TMTC2: variants seen among roughly 807,000 people sequenced by gnomAD.
The protein encoded by TMTC2 is transmembrane O-mannosyltransferase targeting cadherins 2.
Under a neutral mutation model 82.4 loss-of-function variants are expected in TMTC2, and 43 were observed. The ratio of observed to expected loss-of-function variants is 0.52; its 90% CI spans 0.41 to 0.67. The LOEUF (loss-of-function observed/expected upper bound fraction) is 0.67. Ranked by LOEUF, TMTC2 falls within the 30% of genes least tolerant of loss-of-function variation. TMTC2 has a pLI of 0.00. For synonymous variants in TMTC2, 408 were observed against 381.9 expected, an observed-to-expected ratio of 1.07 and a Z score of -0.80; for missense variants, 919 against 1,012.4, an observed-to-expected ratio of 0.91 and a Z score of 1.25.
At chr12:82,861,496 T>C (rs1362403781) in intron 2 of TMTC2, among the ~76,000 whole-genome samples, 1 of 152,254 alleles carries the variant, frequency 6.6e-6, no homozygotes, top group African/African-American at 2.4e-5. Flanking sequence ...CATCAGACTT[T>C]TGCAGTTTTG....
chr12:82,713,378 G>C (rs908391008), intron 1 of TMTC2, among the ~76,000 whole-genome samples: 1 of 152,056 alleles, frequency 6.6e-6, no homozygotes, highest in African/African-American at 2.4e-5. Context: ...AAGAGTTTAT[G>C]AATTTGTCAT....
At position 82,895,926 on chromosome 12, in the gene TMTC2, A is replaced by G; in HGVS notation, c.763A>G (p.Asn255Asp). The G allele has an allele frequency of 6.2e-7, 1 of 1,613,906 alleles. No homozygotes were observed. Among genetic ancestry groups the G allele is most frequent in the South Asian group, 1.1e-5 (1 of 91,060 alleles). Residue 255 changes from asparagine (N) to aspartate (D), a missense_variant, in exon 3 of 12, where the codon AAC becomes GAC. Physicochemically the swap from Asn to Asp is conservative, Grantham distance 23. Coordinates refer to ENST00000321196, the MANE Select transcript of TMTC2 (RefSeq NM_152588.3). The stretch of plus-strand genomic sequence containing the variant: ...GGGAAACAAACCACCAAGCTTTTCC[A>G]ACTCGGACAACCCCGCTGCTGATTC... ...WMGNKPPSFS[N>D]SDNPAADSDS...
rs182227907 is a variant in TMTC2, at chr12:82,998,504, A to G, written c.2070+12458A>G. 2.3e-3 allele frequency among the ~76,000 whole-genome samples: 351 copies of G among 152,350 alleles called. 3 individuals are homozygous for G. Among genetic ancestry groups the G allele is most frequent in the African/African-American group, 8.1e-3 (336 of 41,584 alleles). On this transcript the variant is annotated intron_variant, in intron 8 of 11. Coordinates refer to ENST00000321196, the MANE Select transcript of TMTC2 (RefSeq NM_152588.3). Reference sequence around the variant, plus strand: ...CTTACAAAACCAGTCATAAGTTTGAAAGAGGAAATTGACTTTATTAATTTG... The same window carrying G: ...CTTACAAAACCAGTCATAAGTTTGAGAGAGGAAATTGACTTTATTAATTTG...
intron 11 of TMTC2, among the ~76,000 whole-genome samples, chr12:83,102,382 A>G (rs1884250064): frequency 6.6e-6 from 1 of 152,220 alleles, no homozygotes; most frequent in Non-Finnish European, 1.5e-5. Flanking sequence ...AGTCAAAGGA[A>G]GGCAAATTCC....
chr12:82,820,430 G>A (rs757822069), intron 1 of TMTC2, among the ~76,000 whole-genome samples: 6 of 151,908 alleles, frequency 3.9e-5, no homozygotes, highest in Non-Finnish European at 7.4e-5. Context: ...GAGTGCAGTG[G>A]AGTGATCTCG....
chr12:83,116,721 ATTTGTGTATCTTC>A (rs1884774511), intron 11 of TMTC2, among the ~76,000 whole-genome samples: 1 of 151,986 alleles, frequency 6.6e-6, no homozygotes, highest in African/African-American at 2.4e-5. Flanking sequence ...TTTGTTGGCC[ATTTGTGTATCTTC>A]TTTTGAGAAT....
chr12:83,091,367 C>A (rs1032196125), intron 11 of TMTC2, among the ~76,000 whole-genome samples: 1 of 152,138 alleles, frequency 6.6e-6, no homozygotes, highest in African/African-American at 2.4e-5. Flanking sequence ...CAGAAAGTCT[C>A]CTTTTGCATA....
chr12:82,725,021 A>G (rs1343558566), intron 1 of TMTC2, among the ~76,000 whole-genome samples: 1 of 151,760 alleles, frequency 6.6e-6, no homozygotes, highest in African/African-American at 2.4e-5. Flanking sequence ...TTGTCCTATT[A>G]ATTATCCAAA....
chr12:82,798,495 C>CAAA (rs34277536), intron 1 of TMTC2, among the ~76,000 whole-genome samples: 5,094 of 124,394 alleles, frequency 0.041, 157 homozygotes, highest in Middle Eastern at 0.12. Context: ...AGACTCGTCT[C>CAAA]AAAAAAAAAA....
chr12:82,742,605 C>T (rs938997017), intron 1 of TMTC2, among the ~76,000 whole-genome samples: 8 of 151,914 alleles, frequency 5.3e-5, no homozygotes, highest in South Asian at 2.1e-4. Context: ...CCACAACCTC[C>T]GCCTCTCGGG....
intron 3 of TMTC2, among the ~76,000 whole-genome samples, chr12:82,911,165 C>T (rs1443368032): frequency 6.6e-6 from 1 of 152,158 alleles, no homozygotes; most frequent in Non-Finnish European, 1.5e-5. Flanking sequence ...CAGGTGTGAG[C>T]CACTGCGCCC....
chr12:82,822,760 T>C (rs1242971197), intron 1 of TMTC2, among the ~76,000 whole-genome samples: 1 of 152,228 alleles, frequency 6.6e-6, no homozygotes, highest in Admixed American at 6.5e-5. Context: ...GGTGATATTT[T>C]CCTGAAATCA....
intron 1 of TMTC2, among the ~76,000 whole-genome samples, chr12:82,725,795 T>A (rs1874419312): frequency 2.0e-5 from 3 of 152,186 alleles, no homozygotes; most frequent in South Asian, 4.1e-4. Context: ...CATTTTCTAG[T>A]TTACAATGGG....
chr12:83,106,338 A>T (rs939686765), intron 11 of TMTC2, among the ~76,000 whole-genome samples: 4 of 152,050 alleles, frequency 2.6e-5, no homozygotes, highest in Non-Finnish European at 5.9e-5. Flanking sequence ...CATCTTTACT[A>T]AAAATACAAA....
intron 1 of TMTC2, among the ~76,000 whole-genome samples, chr12:82,827,449 A>T (rs949699078): frequency 6.6e-6 from 1 of 152,146 alleles, no homozygotes; most frequent in Non-Finnish European, 1.5e-5. Context: ...CAAGACTTTT[A>T]TTGTTCTTTG....
chr12:82,785,674 A>G (rs1486169533), intron 1 of TMTC2, among the ~76,000 whole-genome samples: 7 of 152,116 alleles, frequency 4.6e-5, no homozygotes. Flanking sequence ...AAATGCCCTC[A>G]ATAAAATAAT....
intron 2 of TMTC2, 36 bp from the exon 3 acceptor site, chr12:82,895,782 T>A (rs776650041): frequency 7.1e-6 from 11 of 1,554,854 alleles, no homozygotes; most frequent in Non-Finnish European, 9.6e-6. Context: ...GTACTGATAA[T>A]AATCTTAATT....
intron 4 of TMTC2, among the ~76,000 whole-genome samples, chr12:82,931,970 A>G (rs1399653072): frequency 6.6e-6 from 1 of 152,140 alleles, no homozygotes; most frequent in Non-Finnish European, 1.5e-5. Flanking sequence ...GAGGCAAAAC[A>G]GTTCTCTATA....
At chr12:83,066,237 T>C (rs1009634927) in intron 11 of TMTC2, among the ~76,000 whole-genome samples, 2 of 151,798 alleles carry the variant, frequency 1.3e-5, no homozygotes, top group African/African-American at 4.8e-5. Context: ...GAAATGACAT[T>C]CAGCTGGATT....
Sources: gnomAD v4.1 joint callset for allele counts (sites outside exome capture counted in the v4.1 genomes callset) on GRCh38, gnomAD v4.1.1 for gene constraint, MANE v1.5 for transcripts, NCBI Gene and HGNC (gene_info 2026-07-23, HGNC 2026-07-21) for gene names.